ATP2B4: variants seen among roughly 807,000 people sequenced by gnomAD.
The protein encoded by ATP2B4 is ATPase plasma membrane Ca2+ transporting 4.
Under a neutral mutation model 110.3 loss-of-function variants are expected in ATP2B4, and 39 were observed. The observed-to-expected ratio is 0.35, with a 90% CI of 0.27 to 0.46. The LOEUF (loss-of-function observed/expected upper bound fraction) is 0.46, where lower values mean the gene tolerates loss of function less well. Ranked by LOEUF, ATP2B4 falls within the 20% of genes least tolerant of loss-of-function variation. The pLI is 1.00. For synonymous variants in ATP2B4, 538 were observed against 571.7 expected, an observed-to-expected ratio of 0.94 and a Z score of 0.84; for missense variants, 1,135 against 1,530.9, an observed-to-expected ratio of 0.74 and a Z score of 4.32.
rs1460500114 is a variant in ATP2B4, at chr1:203,739,984, C to T, written c.*130C>T. The T allele has an allele frequency of 9.9e-7, 1 of 1,014,196 alleles. No individual in the cohort carries two copies. Among genetic ancestry groups the T allele is most frequent in the Admixed American group, 2.9e-5 (1 of 35,034 alleles). The allele number at this position is 1,014,196 out of a possible 1,614,324, so 62.8% of individuals were successfully genotyped here. On this transcript the variant is annotated 3_prime_UTR_variant, in exon 21 of 21. Coordinates refer to ENST00000357681, the MANE Select transcript of ATP2B4 (RefSeq NM_001684.5). Reference sequence around the variant, plus strand: ...TTAACAGCAGTGTGTGTGAAGTGAACCTCTACCTGACCATGAAGAGGCAAG... The same window carrying T: ...TTAACAGCAGTGTGTGTGAAGTGAATCTCTACCTGACCATGAAGAGGCAAG...
chr1:203,711,549 A>G (rs1183232075), intron 12 of ATP2B4, among the ~76,000 whole-genome samples: 2 of 152,204 alleles, frequency 1.3e-5, no homozygotes, highest in African/African-American at 2.4e-5. Flanking sequence ...GGTGTCATGC[A>G]TGTGGGAAAT....
At chr1:203,670,615 C>T (rs1380630966) in intron 1 of ATP2B4, among the ~76,000 whole-genome samples, 1 of 152,236 alleles carries the variant, frequency 6.6e-6, no homozygotes, top group Non-Finnish European at 1.5e-5. Flanking sequence ...CCTCACCTCT[C>T]CCTTCTCCCT....
intron 1 of ATP2B4, among the ~76,000 whole-genome samples, chr1:203,655,716 A>G (rs1415918808): frequency 6.6e-6 from 1 of 152,136 alleles, no homozygotes; most frequent in Non-Finnish European, 1.5e-5. Flanking sequence ...GTCAAATAGC[A>G]TCATATGTTA....
At chr1:203,638,255 T>G (rs1014143965) in intron 1 of ATP2B4, among the ~76,000 whole-genome samples, 7 of 152,184 alleles carry the variant, frequency 4.6e-5, no homozygotes, top group African/African-American at 1.7e-4. Flanking sequence ...GCCTCCAGCC[T>G]TTGTCTGAGC....
At chr1:203,679,898 A>T (rs188485288) in intron 1 of ATP2B4, among the ~76,000 whole-genome samples, 1 of 151,132 alleles carries the variant, frequency 6.6e-6, no homozygotes, top group East Asian at 1.9e-4. Context: ...AACAAACAAA[A>T]AAAACACAAA....
chr1:203,667,282 G>A (rs1414401867), intron 1 of ATP2B4, among the ~76,000 whole-genome samples: 1 of 152,182 alleles, frequency 6.6e-6, no homozygotes, highest in African/African-American at 2.4e-5. Context: ...GGGGACAGAA[G>A]CCCGTGATCT....
At chr1:203,687,182 A>G (rs1184490976) in intron 2 of ATP2B4, among the ~76,000 whole-genome samples, 1 of 151,762 alleles carries the variant, frequency 6.6e-6, no homozygotes, top group East Asian at 1.9e-4. Context: ...AGTAATTTTT[A>G]GTCCCCAGTA....
chr1:203,727,793 T>A, intron 20 of ATP2B4: 1 of 555,936 alleles, frequency 1.8e-6, no homozygotes, highest in South Asian at 2.1e-5. Context: ...TGGGACACTA[T>A]TAGCATAGTC....
intron 2 of ATP2B4, 65 bp downstream of exon 2, chr1:203,683,463 C>T: frequency 6.7e-7 from 1 of 1,481,910 alleles, no homozygotes; most frequent in Non-Finnish European, 9.1e-7. Context: ...TATTGTTTTC[C>T]CAGCTTCTAG....
At chr1:203,680,140 G>T (rs1664959226) in intron 1 of ATP2B4, among the ~76,000 whole-genome samples, 1 of 151,374 alleles carries the variant, frequency 6.6e-6, no homozygotes, top group Admixed American at 6.6e-5. Flanking sequence ...GACCCTATAT[G>T]CTGGTGGTTA....
At chr1:203,673,914 CAT>C (rs1337131236) in intron 1 of ATP2B4, among the ~76,000 whole-genome samples, 1 of 152,166 alleles carries the variant, frequency 6.6e-6, no homozygotes, top group African/African-American at 2.4e-5. Context: ...ATAAGCATGA[CAT>C]GATTCTGCTG....
Position 203,708,064 on chromosome 1 carries a change from AT to A in ATP2B4, c.1518del (p.Asn506LysfsTer35). On this transcript the variant is annotated frameshift_variant, in exon 10 of 21. Coordinates refer to ENST00000357681, the MANE Select transcript of ATP2B4 (RefSeq NM_001684.5). LOFTEE classifies it high-confidence loss of function. ...FLPKVLDLIV[N>X]GISINSAYTS... Reference sequence around the variant, plus strand: ...CCCAAAGTCCTGGACCTCATTGTCAATGGCATTTCTATCAACAGTGCTTATA... The same window carrying A: ...CCCAAAGTCCTGGACCTCATTGTCAAGGCATTTCTATCAACAGTGCTTATA... 1 of 1,614,190 alleles carries A rather than the reference AT, an allele frequency of 6.2e-7. No homozygotes were observed. The highest frequency in any genetic ancestry group is 8.5e-7 in the Non-Finnish European group (1 of 1,180,028).
chr1:203,714,087 GA>G, intron 14 of ATP2B4, 83 bp from the exon 15 acceptor site: 2 of 1,299,184 alleles, frequency 1.5e-6, no homozygotes, highest in Non-Finnish European at 2.2e-6. Context: ...AAGGAAAGAA[GA>G]AAGTAGAAGG....
chr1:203,733,278 G>A (rs925196906), intron 20 of ATP2B4: 46 of 1,613,916 alleles, frequency 2.9e-5, no homozygotes, highest in Middle Eastern at 1.6e-4. Context: ...GTCCTAAGGC[G>A]ACAGAACATG....
chr1:203,709,648 G>A (rs1050216808), intron 11 of ATP2B4, 106 bp downstream of exon 11: 7 of 1,532,242 alleles, frequency 4.6e-6, no homozygotes, highest in South Asian at 1.2e-5. Context: ...CCTCCAGCCA[G>A]GTGGTGACAT....
chr1:203,713,631 AT>A (rs1293114983), intron 14 of ATP2B4, among the ~76,000 whole-genome samples: 1 of 151,870 alleles, frequency 6.6e-6, no homozygotes, highest in African/African-American at 2.4e-5. Flanking sequence ...TGCCTGATTA[AT>A]TTTTGTATTC....
intron 1 of ATP2B4, among the ~76,000 whole-genome samples, chr1:203,628,881 G>A (rs1306485200): frequency 1.3e-5 from 2 of 152,084 alleles, no homozygotes; most frequent in Non-Finnish European, 2.9e-5. Context: ...GTGGTGGCTT[G>A]GGGAGCAGAC....
intron 1 of ATP2B4, among the ~76,000 whole-genome samples, chr1:203,639,217 C>T (rs915867424): frequency 2.6e-5 from 4 of 152,170 alleles, no homozygotes; most frequent in Non-Finnish European, 4.4e-5. Context: ...GTCAAGAGGG[C>T]GGGGCCACCA....
At chr1:203,695,242 C>T (rs1272328118) in intron 2 of ATP2B4, among the ~76,000 whole-genome samples, 1 of 152,222 alleles carries the variant, frequency 6.6e-6, no homozygotes, top group Admixed American at 6.5e-5. Context: ...GCCTGGCTCT[C>T]CAGCACAGCA....
Sources: gnomAD v4.1 joint callset for allele counts (sites outside exome capture counted in the v4.1 genomes callset) on GRCh38, gnomAD v4.1.1 for gene constraint, MANE v1.5 for transcripts, NCBI Gene and HGNC (gene_info 2026-07-23, HGNC 2026-07-21) for gene names.